Variants in CLIP4 observed in about 807,000 individuals in gnomAD.
CLIP4 encodes the protein CAP-Gly domain containing linker protein family member 4.
A neutral mutation model predicts 73.1 loss-of-function variants in CLIP4; 47 were observed. That is an observed-to-expected ratio of 0.64 (90% CI 0.51 to 0.82). The LOEUF (loss-of-function observed/expected upper bound fraction) is 0.82, where lower values mean the gene tolerates loss of function less well. CLIP4 is among the 40% of genes least tolerant of loss of function. CLIP4 has a pLI of 0.00. For missense variants in CLIP4, 874 were observed against 852.9 expected (o/e 1.02, Z -0.31); for synonymous variants, 306 against 295.4 (o/e 1.04, Z -0.37).
rs1419148350 is a variant in CLIP4, at chr2:29,124,598, CCCA to C, written c.133+3078_133+3080del. Among the ~76,000 whole-genome samples, 6 of 32,614 alleles carry C rather than the reference CCCA, an allele frequency of 1.8e-4. No individual in the cohort carries two copies. In the East Asian group the frequency reaches 8.3e-3, roughly 45 times the overall value. 21.4% of individuals were successfully genotyped at this position (32,614 alleles called of 152,430 possible). A position where few individuals can be genotyped will look rare whatever the true frequency, so the allele number is the denominator to read the frequency against. On this transcript the variant is annotated intron_variant, in intron 2 of 15. Transcript: ENST00000320081. ...TATATTATAGACTGCTTGAAGTTGTCCCATAACTCACTGATTTATTTTATATTT... is the reference window on the plus strand; with the variant it reads ...TATATTATAGACTGCTTGAAGTTGTCTAACTCACTGATTTATTTTATATTT...
At chr2:29,128,059 A>G (rs892333938) in intron 2 of CLIP4, among the ~76,000 whole-genome samples, 9 of 152,186 alleles carry the variant, frequency 5.9e-5, no homozygotes, top group African/African-American at 1.9e-4. Flanking sequence ...ACCTTTGACA[A>G]TGCTTCTCAT....
In CLIP4 at chr2:29,156,406, T is replaced by G. The variant is rs764440749; in HGVS notation, c.1218T>G (p.Pro406=). The G allele has an allele frequency of 3.2e-5, 51 of 1,589,278 alleles. 1 individual carries two copies. The highest frequency in any genetic ancestry group is 4.2e-5 in the Non-Finnish European group (49 of 1,174,000). The part of the protein sequence containing the change: ...DSASESTLSL[P]PGEELKTVTE... ...CTTCTGAGTCAACACTTTCATTGCCTCCTGGTGAAGAACTTAAAACTGTGA... is the reference window on the plus strand; with the variant it reads ...CTTCTGAGTCAACACTTTCATTGCCGCCTGGTGAAGAACTTAAAACTGTGA... Residue 406 remains proline (P), a synonymous_variant, in exon 10 of 16, where the codon CCT becomes CCG. Transcript: ENST00000320081.
intron 14 of CLIP4, 115 bp from the exon 15 acceptor site, chr2:29,174,258 T>G (rs942666861): frequency 3.2e-6 from 3 of 945,654 alleles, no homozygotes; most frequent in African/African-American, 3.3e-5. Context: ...GCCTGCTGTT[T>G]TGAAAGAAAC....
chr2:29,157,731 C>G (rs1024557695), intron 11 of CLIP4, among the ~76,000 whole-genome samples: 3 of 152,194 alleles, frequency 2.0e-5, no homozygotes, highest in Non-Finnish European at 4.4e-5. Flanking sequence ...GATGGCAATA[C>G]CAGCCAGTTT....
At chr2:29,179,362 T>C (rs539523951) in intron 15 of CLIP4, among the ~76,000 whole-genome samples, 2 of 152,382 alleles carry the variant, frequency 1.3e-5, no homozygotes, top group South Asian at 4.1e-4. Flanking sequence ...TTTAACTTTA[T>C]AATTTAACCT....
chr2:29,180,054 A>G (rs964400044), intron 15 of CLIP4, among the ~76,000 whole-genome samples: 1 of 148,616 alleles, frequency 6.7e-6, no homozygotes, highest in Non-Finnish European at 1.5e-5. Context: ...AGTGAAATGA[A>G]ATATGAAATA....
rs184653068 is a variant in CLIP4, at chr2:29,127,745, C to T, written c.134-3513C>T. 2.6e-5 allele frequency among the ~76,000 whole-genome samples: 4 copies of T among 152,194 alleles called. No individual in the cohort carries two copies. In the East Asian group the frequency reaches 7.7e-4, roughly 29 times the overall value. On this transcript the variant is annotated intron_variant, in intron 2 of 15. Transcript: ENST00000320081. ...ACTTGTCAGAGTCTTTTCTGTAAAT[C>T]TTCCAGCAATTTTGTATCACAGATG...
intron 14 of CLIP4, among the ~76,000 whole-genome samples, chr2:29,170,612 C>T (rs576608651): frequency 2.6e-5 from 4 of 152,170 alleles, no homozygotes; most frequent in South Asian, 2.1e-4. Flanking sequence ...TAATGAAGTC[C>T]GAGTTATCAG....
intron 13 of CLIP4, among the ~76,000 whole-genome samples, chr2:29,166,457 T>A (rs903955148): frequency 6.6e-6 from 1 of 151,966 alleles, no homozygotes; most frequent in East Asian, 1.9e-4. Flanking sequence ...TCTGCTAATA[T>A]ATGAATCAGT....
intron 1 of CLIP4, among the ~76,000 whole-genome samples, chr2:29,108,278 C>T (rs1419683593): frequency 6.6e-6 from 1 of 152,038 alleles, no homozygotes; most frequent in Non-Finnish European, 1.5e-5. Context: ...GCTTTGTGGC[C>T]ATCATTAAGC....
intron 2 of CLIP4, chr2:29,130,830 CAAAA>C: frequency 3.1e-6 from 4 of 1,288,624 alleles, no homozygotes; most frequent in Middle Eastern, 2.1e-4. Flanking sequence ...AAAGCAAAAA[CAAAA>C]AAACCTCAAT....
At chr2:29,140,310 A>T (rs1231666895) in intron 6 of CLIP4, among the ~76,000 whole-genome samples, 3 of 151,870 alleles carry the variant, frequency 2.0e-5, no homozygotes, top group African/African-American at 2.4e-5. Flanking sequence ...ATTCCCACCT[A>T]TGAGTGAGAA....
intron 9 of CLIP4, among the ~76,000 whole-genome samples, 192 bp downstream of exon 9, chr2:29,153,020 G>A (rs1010916462): frequency 6.6e-6 from 1 of 151,994 alleles, no homozygotes; most frequent in Non-Finnish European, 1.5e-5. Context: ...TTTCAGATTT[G>A]TTCCTTCCTT....
chr2:29,156,925 G>T (rs1666964400), intron 10 of CLIP4, among the ~76,000 whole-genome samples: 1 of 152,122 alleles, frequency 6.6e-6, no homozygotes, highest in Non-Finnish European at 1.5e-5. Context: ...ATGGTCATTA[G>T]ATTAGGTAGT....
chr2:29,158,521 A>C (rs1361172660), intron 11 of CLIP4, among the ~76,000 whole-genome samples: 1 of 151,638 alleles, frequency 6.6e-6, no homozygotes, highest in East Asian at 1.9e-4. Context: ...AAAGAGGGAG[A>C]TGGGCCGAGA....
At chr2:29,116,412 A>G (rs1188357098) in intron 1 of CLIP4, among the ~76,000 whole-genome samples, 1 of 152,212 alleles carries the variant, frequency 6.6e-6, no homozygotes, top group East Asian at 1.9e-4. Context: ...CTGCGTTCAT[A>G]TTGTAGCACC....
At chr2:29,115,281 G>A (rs1346257682), upstream of CLIP4, 2 of 152,284 alleles carry the variant, frequency 1.3e-5, no homozygotes. The surrounding 1 kb of genome is among the most constrained non-coding windows in gnomAD (Gnocchi z 5.1). Flanking sequence ...CGCGGCGGGG[G>A]AGGTAACACT....
At chr2:29,175,031 T>G (rs926774114) in intron 15 of CLIP4, among the ~76,000 whole-genome samples, 1 of 152,170 alleles carries the variant, frequency 6.6e-6, no homozygotes, top group Non-Finnish European at 1.5e-5. Context: ...TGATTGGGTT[T>G]AGAGGTGCTG....
At chr2:29,167,614 G>A (rs540727090) in intron 14 of CLIP4, 74 bp downstream of exon 14, 13 of 1,132,408 alleles carry the variant, frequency 1.1e-5, no homozygotes, top group South Asian at 9.2e-5. Context: ...TTATTATGAG[G>A]TATTGTATAC....
Sources: allele counts gnomAD v4.1 joint callset (sites outside exome capture counted in the v4.1 genomes callset), GRCh38; gene constraint gnomAD v4.1.1; non-coding constraint Gnocchi (gnomAD v3.1); transcripts MANE v1.5; gene names NCBI Gene and HGNC (gene_info 2026-07-23, HGNC 2026-07-21).